The following RPL29 variants were observed in gnomAD, a reference collection of about 807,000 sequenced individuals.
The protein encoded by RPL29 is ribosomal protein L29, also known as large ribosomal subunit protein eL29.
Under a neutral mutation model 7.2 loss-of-function variants are expected in RPL29, and 4 were observed. The ratio of observed to expected loss-of-function variants is 0.55; its 90% CI spans 0.27 to 1.26. The LOEUF (loss-of-function observed/expected upper bound fraction) is 1.26. Among genes scored for constraint, RPL29 ranks in the 50% most tolerant of loss-of-function variants. The pLI is 0.11. For synonymous variants in RPL29, 73 were observed against 72.8 expected, an observed-to-expected ratio of 1.00 and a Z score of -0.01; for missense variants, 148 against 209.1, an observed-to-expected ratio of 0.71 and a Z score of 1.80.
In RPL29 at chr3:51,995,533, C is replaced by T. The variant is rs766509221; in HGVS notation, c.-8-64G>A. On this transcript the variant is annotated intron_variant, in intron 1 of 3. Coordinates refer to ENST00000294189, the MANE Select transcript of RPL29 (RefSeq NM_000992.3). ...CAGGCTGGGCCACCTCTGCCCCCCC[C>T]ATTCTGGTCAGAATGAGCCTGCAGG... 43 of 1,501,138 alleles carry T rather than the reference C, an allele frequency of 2.9e-5. 1 individual carries two copies. The South Asian group carries it at 4.1e-4, about 14-fold the overall frequency. 93.0% of individuals were successfully genotyped at this position (1,501,138 alleles called of 1,614,324 possible). A position where few individuals can be genotyped will look rare whatever the true frequency, so the allele number is the denominator to read the frequency against.
chr3:51,995,036 A>C lies in RPL29; in HGVS notation c.102+6T>G. The C allele has an allele frequency of 6.2e-7, 1 of 1,611,118 alleles. No individual in the cohort carries two copies. The highest frequency in any genetic ancestry group is 1.1e-5 in the South Asian group (1 of 90,988). ...AAGACACTTCCATGTGATTCAGTGC[A>C]CTCACCCCCTTAAGAGATTCGTATC... On this transcript the variant is annotated splice_donor_region_variant and intron_variant, in intron 3 of 3. Transcript: ENST00000294189.
intron 1 of RPL29, 154 bp downstream of exon 1, chr3:51,995,703 C>A (rs527990570): frequency 1.8e-6 from 1 of 559,076 alleles, no homozygotes; most frequent in Non-Finnish European, 3.2e-6. Context: ...GCTTTCCCTG[C>A]CATCCCCCTC....
chr3:51,994,485 T>C (rs1559785127), intron 3 of RPL29: 2 of 329,362 alleles, frequency 6.1e-6, no homozygotes, highest in Non-Finnish European at 1.1e-5. Flanking sequence ...GTCAATTAAA[T>C]ACCAAGTCTG....
At position 51,994,109 on chromosome 3, in the gene RPL29, C is replaced by T; in HGVS notation, c.120G>A (p.Leu40=). Residue 40 remains leucine (L), a synonymous_variant, in exon 4 of 4, where the codon CTG becomes CTA. Transcript: ENST00000294189. The part of the protein sequence containing the change: ...ESLKGVDPKF[L]RNMRFAKKHN... ...GCTTCTTGGCAAAGCGCATGTTCCT[C>T]AGGAACTTGGGGTCCACCTGAAAAG... 9 of 1,598,292 alleles carry T rather than the reference C, an allele frequency of 5.6e-6. No homozygotes were observed. Among genetic ancestry groups the T allele is most frequent in the Non-Finnish European group, 7.7e-6 (9 of 1,172,030 alleles).
At position 51,993,823 on chromosome 3, in the gene RPL29, G is replaced by C; in HGVS notation, c.406C>G (p.Gln136Glu). Residue 136 changes from glutamine to glutamate, a missense_variant, in exon 4 of 4, where the codon CAG (glutamine) becomes GAG (glutamate). Coordinates refer to ENST00000294189, the MANE Select transcript of RPL29 (RefSeq NM_000992.3). ...KAKAKDQTKA[Q>E]AAAPASVPAQ... Reference sequence around the variant, plus strand: ...GGAACTGAAGCTGGGGCTGCAGCCTGGGCCTTGGTTTGATCCTTGGCCTTG... The same window carrying C: ...GGAACTGAAGCTGGGGCTGCAGCCTCGGCCTTGGTTTGATCCTTGGCCTTG... The C allele has an allele frequency of 6.3e-7, 1 of 1,594,244 alleles. No individual in the cohort carries two copies. Among genetic ancestry groups the C allele is most frequent in the South Asian group, 1.1e-5 (1 of 90,886 alleles).
At chr3:51,995,710 C>A in intron 1 of RPL29, 147 bp downstream of exon 1, 1 of 546,684 alleles carries the variant, frequency 1.8e-6, no homozygotes, top group Non-Finnish European at 3.3e-6. Flanking sequence ...CTGCCATCCC[C>A]CTCCTAGGAC....
rs749073303 is a variant in RPL29 at position 51,993,834 on chromosome 3, T to C, written c.395A>G (p.Gln132Arg). 1 of 1,587,924 alleles carries C rather than the reference T, an allele frequency of 6.3e-7. No homozygotes were observed. The highest frequency in any genetic ancestry group is 1.1e-5 in the South Asian group (1 of 90,686). Reference sequence around the variant, plus strand: ...TGGGGCTGCAGCCTGGGCCTTGGTTTGATCCTTGGCCTTGGCCTTGGCCTT... The same window carrying C: ...TGGGGCTGCAGCCTGGGCCTTGGTTCGATCCTTGGCCTTGGCCTTGGCCTT... The part of the protein sequence containing the change: ...KAKAKAKAKD[Q>R]TKAQAAAPAS... The change falls in exon 4 of 4, where the codon CAA (glutamine) becomes CGA (arginine). Residue 132 changes from glutamine (Q) to arginine (R), a missense_variant. Transcript: ENST00000294189.
Position 51,993,786 on chromosome 3 carries a change from G to C in RPL29, c.443C>G (p.Pro148Arg). ...CTTTGTAGGGGCCTGGGTACGTTTG[G>C]GAGCCTGAGCTGGAACTGAAGCTGG... ...AAPASVPAQAPKRTQAPTKAS... is the reference protein window; with the variant it reads ...AAPASVPAQARKRTQAPTKAS... Residue 148 changes from proline (P) to arginine (R), a missense_variant, in exon 4 of 4, where the codon CCC (proline) becomes CGC (arginine). By Grantham distance (103) the Pro-to-Arg change is moderately radical. Transcript: ENST00000294189. 4 of 1,596,072 alleles carry C rather than the reference G, an allele frequency of 2.5e-6. No homozygotes were observed. The highest frequency in any genetic ancestry group is 3.4e-6 in the Non-Finnish European group (4 of 1,179,554).
intron 3 of RPL29, 32 bp downstream of exon 3, chr3:51,995,010 A>G: frequency 6.3e-7 from 1 of 1,591,710 alleles, no homozygotes; most frequent in Non-Finnish European, 8.6e-7. Flanking sequence ...GGAACCAAGA[A>G]AAGACACTTC....
At position 51,993,803 on chromosome 3, in the gene RPL29, T is replaced by C; in HGVS notation, c.426A>G (p.Ser142=). The change falls in exon 4 of 4, where the codon TCA becomes TCG. Residue 142 remains serine (S), a synonymous_variant. Coordinates refer to ENST00000294189, the MANE Select transcript of RPL29 (RefSeq NM_000992.3). Reference sequence around the variant, plus strand: ...TACGTTTGGGAGCCTGAGCTGGAACTGAAGCTGGGGCTGCAGCCTGGGCCT... The same window carrying C: ...TACGTTTGGGAGCCTGAGCTGGAACCGAAGCTGGGGCTGCAGCCTGGGCCT... The part of the protein sequence containing the change: ...QTKAQAAAPA[S]VPAQAPKRTQ... The C allele has an allele frequency of 6.3e-7, 1 of 1,596,168 alleles. No homozygotes were observed. Among genetic ancestry groups the C allele is most frequent in the Non-Finnish European group, 8.5e-7 (1 of 1,179,596 alleles).
chr3:51,994,041 T>G lies in RPL29; in HGVS notation c.188A>C (p.Lys63Thr), dbSNP rs1701285600. ...GLKKMQANNA[K>T]AMSARAEAIK... ...AGCCTCGGCACGTGCACTCATGGCC[T>G]TGGCATTGTTGGCCTGCATCTTCTT... The change falls in exon 4 of 4, where the codon AAG becomes ACG. Residue 63 changes from lysine (K) to threonine (T), a missense_variant. Transcript: ENST00000294189. 1 of 1,600,262 alleles carries G rather than the reference T, an allele frequency of 6.2e-7. No homozygotes were observed. Among genetic ancestry groups the G allele is most frequent in the African/African-American group, 1.3e-5 (1 of 74,908 alleles).
Position 51,994,119 on chromosome 3 carries a change from G to A in RPL29, c.110C>T (p.Pro37Leu). The change falls in exon 4 of 4, where the codon CCC becomes CTC. Residue 37 changes from proline to leucine, a missense_variant. Coordinates refer to ENST00000294189, the MANE Select transcript of RPL29 (RefSeq NM_000992.3). ...QRYESLKGVD[P>L]KFLRNMRFAK... Reference sequence around the variant, plus strand: ...AAAGCGCATGTTCCTCAGGAACTTGGGGTCCACCTGAAAAGCAGGAAAGGT... The same window carrying A: ...AAAGCGCATGTTCCTCAGGAACTTGAGGTCCACCTGAAAAGCAGGAAAGGT... 6.3e-7 allele frequency: 1 copy of A among 1,594,338 alleles called. No individual in the cohort carries two copies. Among genetic ancestry groups the A allele is most frequent in the African/African-American group, 1.3e-5 (1 of 74,566 alleles).
At position 51,993,659 on chromosome 3, in the gene RPL29, C is replaced by T; in HGVS notation, c.*90G>A. The T allele has an allele frequency of 7.7e-7, 1 of 1,291,646 alleles. No homozygotes were observed. The highest frequency in any genetic ancestry group is 1.1e-6 in the Non-Finnish European group (1 of 943,852). The allele number at this position is 1,291,646 out of a possible 1,614,324, so 80.0% of individuals were successfully genotyped here. A position where few individuals can be genotyped will look rare whatever the true frequency, so the allele number is the denominator to read the frequency against. ...CTCAGGTTTATTTGTACAAATAGCACAGGAGGACCCCAGCCCCATGCAGAT... is the reference window on the plus strand; with the variant it reads ...CTCAGGTTTATTTGTACAAATAGCATAGGAGGACCCCAGCCCCATGCAGAT... On this transcript the variant is annotated 3_prime_UTR_variant, in exon 4 of 4. Coordinates refer to ENST00000294189, the MANE Select transcript of RPL29 (RefSeq NM_000992.3).
chr3:51,993,867 G>C lies in RPL29; in HGVS notation c.362C>G (p.Pro121Arg). 6.3e-7 allele frequency: 1 copy of C among 1,596,398 alleles called. No individual in the cohort carries two copies. The highest frequency in any genetic ancestry group is 8.5e-7 in the Non-Finnish European group (1 of 1,179,766). ...RIAKGLRLCR[P>R]KAKAKAKAKD... ...GGCCTTGGCCTTGGCCTTGGCCTTT[G>C]GCCGGCACAGCCTGAGCCCCTTGGC... The change falls in exon 4 of 4, where the codon CCA (proline) becomes CGA (arginine). Residue 121 changes from proline (P) to arginine (R), a missense_variant. Physicochemically the swap from Pro to Arg is moderately radical, Grantham distance 103 (BLOSUM62 -2). Transcript: ENST00000294189.
chr3:51,994,171 G>A (rs369118430), intron 3 of RPL29, 45 bp from the exon 4 acceptor site: 63 of 1,547,540 alleles, frequency 4.1e-5, no homozygotes, highest in Non-Finnish European at 5.3e-5. Flanking sequence ...GGGTCCCCAA[G>A]TCTCTCCCTG....
intron 1 of RPL29, 113 bp from the exon 2 acceptor site, chr3:51,995,582 G>C: frequency 4.8e-6 from 5 of 1,037,114 alleles, no homozygotes; most frequent in Middle Eastern, 3.0e-4. Flanking sequence ...GCCTCCACGA[G>C]TCTCGGCTTA....
At chr3:51,994,391 C>T in intron 3 of RPL29, 1 of 448,928 alleles carries the variant, frequency 2.2e-6, no homozygotes, top group Non-Finnish European at 3.9e-6. Flanking sequence ...GGTTGTGGGG[C>T]TTCAACTTCC....
At chr3:51,994,865 G>A (rs745833851) in intron 3 of RPL29, 177 bp downstream of exon 3, 4 of 753,944 alleles carry the variant, frequency 5.3e-6, no homozygotes, top group Non-Finnish European at 9.7e-6. Context: ...AGGCTGTGGA[G>A]ACCAAGGAAA....
At position 51,995,050 on chromosome 3, in the gene RPL29, G is replaced by C. The variant is rs375396108; in HGVS notation, c.94C>G (p.Leu32Val). The C allele has an allele frequency of 1.1e-4, 170 of 1,613,004 alleles. No homozygotes were observed. Among genetic ancestry groups the C allele is most frequent in the Non-Finnish European group, 1.4e-4 (160 of 1,179,578 alleles). The change falls in exon 3 of 4, where the codon CTT (leucine) becomes GTT (valine). Residue 32 changes from leucine to valine, a missense_variant. Coordinates refer to ENST00000294189, the MANE Select transcript of RPL29 (RefSeq NM_000992.3). ...KKPRSQRYES[L>V]KGVDPKFLRN... ...TGATTCAGTGCACTCACCCCCTTAA[G>C]AGATTCGTATCTTTGTGATCGGGGT...
Sources: allele counts gnomAD v4.1 joint callset, GRCh38; gene constraint gnomAD v4.1.1; transcripts MANE v1.5; gene names NCBI Gene and HGNC (gene_info 2026-07-23, HGNC 2026-07-21).